Variants in CTNNA1 observed in about 807,000 individuals in gnomAD.
CTNNA1 encodes catenin alpha 1, also known as catenin alpha-1.
Under a neutral mutation model 98.4 loss-of-function variants are expected in CTNNA1, and 37 were observed. The observed-to-expected ratio is 0.38, with a 90% CI of 0.29 to 0.49. The LOEUF (loss-of-function observed/expected upper bound fraction) is 0.49. Among genes scored for constraint, CTNNA1 ranks in the 20% least tolerant of loss-of-function variants. The pLI is 0.95. For synonymous variants in CTNNA1, 404 were observed against 413.2 expected (o/e 0.98, Z 0.27); for missense variants, 761 against 1,147.2 (o/e 0.66, Z 4.86).
At chr5:138,800,055 C>T (rs1757406318) in intron 3 of CTNNA1, among the ~76,000 whole-genome samples, 1 of 152,070 alleles carries the variant, frequency 6.6e-6, no homozygotes, top group Non-Finnish European at 1.5e-5. Flanking sequence ...CGCCACCACA[C>T]CCAGCTAAAT....
At chr5:138,825,511 G>A (rs1347004364) in intron 6 of CTNNA1, among the ~76,000 whole-genome samples, 2 of 17,572 alleles carry the variant, frequency 1.1e-4, no homozygotes, top group African/African-American at 2.5e-4. Flanking sequence ...GGCTTTAAAA[G>A]TAACTGTTGG....
At position 138,874,510 on chromosome 5, in the gene CTNNA1, T is replaced by C; in HGVS notation, c.1063-11702T>C. The C allele has an allele frequency of 6.2e-7, 1 of 1,601,174 alleles. No individual in the cohort carries two copies. The highest frequency in any genetic ancestry group is 8.5e-7 in the Non-Finnish European group (1 of 1,172,088). ...TTTTTAAAACCATACTCATTGCATA[T>C]ATTGCTGCCAGCATAGGGGCCCCTA... On this transcript the variant is annotated intron_variant, in intron 7 of 17. Coordinates refer to ENST00000302763, the MANE Select transcript of CTNNA1 (RefSeq NM_001903.5). The surrounding 1 kb of genome is among the most constrained non-coding windows in gnomAD (Gnocchi z 4.1).
At chr5:138,913,968 G>A (rs938739895) in intron 10 of CTNNA1, among the ~76,000 whole-genome samples, 3 of 152,062 alleles carry the variant, frequency 2.0e-5, no homozygotes, top group Non-Finnish European at 2.9e-5. Flanking sequence ...CCCCCACCTC[G>A]GCCTCCCAGA....
At chr5:138,773,669 A>T (rs942779818) in intron 1 of CTNNA1, among the ~76,000 whole-genome samples, 1 of 151,512 alleles carries the variant, frequency 6.6e-6, no homozygotes, top group Non-Finnish European at 1.5e-5. Context: ...CTTTGCCTTA[A>T]CTCGTTTAGA....
Position 138,753,435 on chromosome 5 carries a change from C to G in CTNNA1, c.-78C>G, listed in dbSNP as rs946961373. The G allele has an allele frequency of 4.3e-5, 16 of 374,022 alleles. No individual in the cohort carries two copies. Among genetic ancestry groups the G allele is most frequent in the African/African-American group, 6.4e-5 (3 of 47,166 alleles). The allele number at this position is 374,022 out of a possible 1,614,324, so 23.2% of individuals were successfully genotyped here. On this transcript the variant is annotated 5_prime_UTR_variant, in exon 1 of 18. Transcript: ENST00000302763. ...GGGGCGGCCCATTTCCTCCTCCTAG[C>G]CGGACTGGAGGGAGACAAAGCAGCG...
chr5:138,776,882 G>C (rs1239679712), intron 1 of CTNNA1, among the ~76,000 whole-genome samples: 1 of 133,526 alleles, frequency 7.5e-6, no homozygotes, highest in African/African-American at 2.8e-5. Flanking sequence ...CGGGCGGGGC[G>C]GCTGGCCGGG....
chr5:138,825,888 T>TC (rs1387605928), intron 6 of CTNNA1, among the ~76,000 whole-genome samples: 1 of 152,104 alleles, frequency 6.6e-6, no homozygotes, highest in Non-Finnish European at 1.5e-5. Context: ...ATGTTGTTTT[T>TC]CCCCCCTTCA....
intron 10 of CTNNA1, among the ~76,000 whole-genome samples, chr5:138,906,737 G>A (rs1362858949): frequency 6.6e-6 from 1 of 152,170 alleles, no homozygotes; most frequent in East Asian, 1.9e-4. Flanking sequence ...GGCAGACAGT[G>A]CCCAGACCAC....
At chr5:138,872,434 T>C (rs899353694) in intron 7 of CTNNA1, 1 of 152,508 alleles carries the variant, frequency 6.6e-6, no homozygotes, top group African/African-American at 2.4e-5. Flanking sequence ...TTTGATAATA[T>C]CTACTAACCC....
chr5:138,898,805 A>C (rs1757434901), intron 9 of CTNNA1, among the ~76,000 whole-genome samples: 1 of 152,124 alleles, frequency 6.6e-6, no homozygotes, highest in Non-Finnish European at 1.5e-5. Context: ...TTGGTAGTTA[A>C]ATAGTAGACT....
intron 11 of CTNNA1, among the ~76,000 whole-genome samples, chr5:138,924,219 G>C (rs1327168122): frequency 1.3e-5 from 2 of 152,064 alleles, no homozygotes; most frequent in Non-Finnish European, 2.9e-5. Context: ...GAAAATTACA[G>C]AACAGCTGTG....
At chr5:138,908,035 T>A (rs553471719) in intron 10 of CTNNA1, among the ~76,000 whole-genome samples, 37 of 151,444 alleles carry the variant, frequency 2.4e-4, no homozygotes, top group South Asian at 1.7e-3. Flanking sequence ...TGGAGTGCAG[T>A]GGTGCAATCT....
chr5:138,932,909 C>A, intron 17 of CTNNA1, 197 bp downstream of exon 17: 1 of 805,174 alleles, frequency 1.2e-6, no homozygotes, highest in Non-Finnish European at 2.2e-6. Context: ...CTGCGGGGCA[C>A]TGCAAGGGCT....
intron 7 of CTNNA1, among the ~76,000 whole-genome samples, chr5:138,865,811 A>G (rs1045251575): frequency 1.6e-4 from 24 of 152,124 alleles, no homozygotes; most frequent in African/African-American, 5.8e-4. Context: ...TTATTTCACT[A>G]TTCTGTACAT....
At chr5:138,763,098 T>TG (rs1345897273) in intron 1 of CTNNA1, among the ~76,000 whole-genome samples, 1 of 79,354 alleles carries the variant, frequency 1.3e-5, no homozygotes, top group Non-Finnish European at 2.9e-5. Context: ...CTTATTGCTA[T>TG]GTTTTTTTTT....
chr5:138,868,794 T>C (rs1217422814), intron 7 of CTNNA1: 1 of 152,202 alleles, frequency 6.6e-6, no homozygotes, highest in Non-Finnish European at 1.5e-5. Context: ...GTGGACACAT[T>C]TGACATTGTA....
intron 7 of CTNNA1, chr5:138,880,083 A>G (rs939458339): frequency 1.1e-4 from 17 of 152,338 alleles, no homozygotes; most frequent in African/African-American, 4.1e-4. Context: ...GTTTGGACAG[A>G]TGAACGTTTA....
chr5:138,932,078 C>T, intron 16 of CTNNA1: 1 of 986,128 alleles, frequency 1.0e-6, no homozygotes, highest in African/African-American at 1.7e-5. Flanking sequence ...CCACCTCAGC[C>T]TGCAGTGAGT....
At chr5:138,808,372 C>G (rs1008278397) in intron 3 of CTNNA1, among the ~76,000 whole-genome samples, 1 of 152,034 alleles carries the variant, frequency 6.6e-6, no homozygotes, top group African/African-American at 2.4e-5. Context: ...TTTTAAAATA[C>G]CAGAAGATAC....
Sources: allele counts gnomAD v4.1 joint callset (sites outside exome capture counted in the v4.1 genomes callset), GRCh38; gene constraint gnomAD v4.1.1; non-coding constraint Gnocchi (gnomAD v3.1); transcripts MANE v1.5; gene names NCBI Gene and HGNC (gene_info 2026-07-23, HGNC 2026-07-21).